Variants in THSD7B observed in about 807,000 individuals in gnomAD.
THSD7B encodes the protein thrombospondin type-1 domain-containing protein 7B.
A neutral mutation model predicts 213.6 loss-of-function variants in THSD7B; 138 were observed. The ratio of observed to expected loss-of-function variants is 0.65; its 90% CI spans 0.56 to 0.74. The LOEUF is 0.74. Among genes scored for constraint, THSD7B ranks in the 30% least tolerant of loss-of-function variants. The probability of loss-of-function intolerance (pLI) is 0.00; values close to 1 mark genes in which losing one functional copy is unlikely to be tolerated. For synonymous variants in THSD7B, 742 were observed against 687.0 expected (o/e 1.08, Z -1.25); for missense variants, 1,931 against 1,991.5 (o/e 0.97, Z 0.58).
chr2:137,588,278 T>A (rs1356724921), intron 17 of THSD7B, among the ~76,000 whole-genome samples: 1 of 152,186 alleles, frequency 6.6e-6, no homozygotes, highest in Non-Finnish European at 1.5e-5. Context: ...CCCCTTATGC[T>A]TCCCAGGTGA....
rs150553202 is a variant in THSD7B at position 137,522,398 on chromosome 2, C to T, written c.3139-40823C>T. ...AAATTAGAATGATAATCCAGAAATT[C>T]CACAGAGTTGTGACTGCCTTGCATG... is the stretch of plus-strand genomic sequence containing the variant. On this transcript the variant is annotated intron_variant, in intron 15 of 27. Coordinates refer to ENST00000409968, the MANE Select transcript of THSD7B (RefSeq NM_001316349.2). 1.0e-3 allele frequency among the ~76,000 whole-genome samples: 158 copies of T among 152,306 alleles called. 2 individuals carry two copies. The highest frequency in any genetic ancestry group is 3.4e-3 in the Middle Eastern group (1 of 294).
intron 15 of THSD7B, among the ~76,000 whole-genome samples, chr2:137,533,481 C>T (rs774313542): frequency 2.4e-4 from 36 of 151,888 alleles, no homozygotes; most frequent in Non-Finnish European, 4.3e-4. Context: ...ACTATTCTGA[C>T]ATTTAGCAAG....
chr2:136,856,569 A>G (rs1683183440), intron 1 of THSD7B, among the ~76,000 whole-genome samples: 1 of 150,688 alleles, frequency 6.6e-6, no homozygotes, highest in East Asian at 1.9e-4. Flanking sequence ...GCTGGAGTGT[A>G]ATCACGAGAT....
chr2:137,453,101 A>T, intron 15 of THSD7B, among the ~76,000 whole-genome samples: 1 of 151,912 alleles, frequency 6.6e-6, no homozygotes, highest in Non-Finnish European at 1.5e-5. Context: ...TTAGTTTGTT[A>T]TAAAGAGATT....
At chr2:137,189,485 C>A (rs969916693) in intron 7 of THSD7B, among the ~76,000 whole-genome samples, 2 of 152,012 alleles carry the variant, frequency 1.3e-5, no homozygotes, top group African/African-American at 4.8e-5. Context: ...GCCACAAGGT[C>A]AACGTCACCC....
At position 137,662,148 on chromosome 2, in the gene THSD7B, C is replaced by G. The variant is rs191926609; in HGVS notation, c.4459-1235C>G. ...CATGATCTTGGCTCACTGCAACCACCGCCTCCTGGGTTCACGCCATTCTCC... is the reference window on the plus strand; with the variant it reads ...CATGATCTTGGCTCACTGCAACCACGGCCTCCTGGGTTCACGCCATTCTCC... On this transcript the variant is annotated intron_variant, in intron 25 of 27. Coordinates refer to ENST00000409968, the MANE Select transcript of THSD7B (RefSeq NM_001316349.2). 1.8e-3 allele frequency among the ~76,000 whole-genome samples: 264 copies of G among 150,268 alleles called. 3 individuals carry two copies. The highest frequency in any genetic ancestry group is 2.9e-3 in the Non-Finnish European group (193 of 67,514).
At chr2:136,944,712 CTT>C (rs146788302) in intron 2 of THSD7B, among the ~76,000 whole-genome samples, 28,740 of 127,808 alleles carry the variant, frequency 0.22, 3,700 homozygotes, top group East Asian at 0.5. Flanking sequence ...GCAACCCCTG[CTT>C]TTTTTTTTTT....
At chr2:137,533,224 C>T (rs529395584) in intron 15 of THSD7B, among the ~76,000 whole-genome samples, 88 of 151,900 alleles carry the variant, frequency 5.8e-4, no homozygotes, top group African/African-American at 1.8e-3. Flanking sequence ...ATTTCTGACT[C>T]ATTCCTCTCG....
At chr2:136,942,646 CTGTT>C (rs1333877566) in intron 2 of THSD7B, among the ~76,000 whole-genome samples, 1 of 152,104 alleles carries the variant, frequency 6.6e-6, no homozygotes, top group Admixed American at 6.6e-5. Context: ...ATTTGGCTCT[CTGTT>C]TGTCTGTTAT....
intron 17 of THSD7B, among the ~76,000 whole-genome samples, chr2:137,589,960 A>G (rs1249494115): frequency 6.6e-6 from 1 of 152,240 alleles, no homozygotes; most frequent in Non-Finnish European, 1.5e-5. Flanking sequence ...TGAAGACCAC[A>G]TAAGCTGCCA....
chr2:136,847,122 A>C (rs1391872166), intron 1 of THSD7B, among the ~76,000 whole-genome samples: 1 of 152,190 alleles, frequency 6.6e-6, no homozygotes, highest in Non-Finnish European at 1.5e-5. Context: ...AGTAAATGGA[A>C]TTGCTTTGAT....
At chr2:137,365,816 T>G (rs1337731629) in intron 12 of THSD7B, among the ~76,000 whole-genome samples, 3 of 152,162 alleles carry the variant, frequency 2.0e-5, no homozygotes, top group South Asian at 4.1e-4. Context: ...GTTCAACCAT[T>G]GTGGAAGTCA....
chr2:137,408,913 T>C (rs1034242364), intron 13 of THSD7B, among the ~76,000 whole-genome samples: 1 of 152,202 alleles, frequency 6.6e-6, no homozygotes, highest in African/African-American at 2.4e-5. Context: ...GGAAGGTGGG[T>C]AGAAATTGTG....
chr2:136,893,590 C>G (rs1230006674), intron 2 of THSD7B, among the ~76,000 whole-genome samples: 1 of 152,090 alleles, frequency 6.6e-6, no homozygotes, highest in Non-Finnish European at 1.5e-5. Context: ...ACAAAGGAAC[C>G]TTAAAAGCTT....
At chr2:136,962,082 G>T (rs962864394) in intron 2 of THSD7B, among the ~76,000 whole-genome samples, 1 of 152,186 alleles carries the variant, frequency 6.6e-6, no homozygotes, top group African/African-American at 2.4e-5. Context: ...GAAGAGGGAG[G>T]CAGAACAAGA....
chr2:137,413,376 G>A (rs370858500), intron 14 of THSD7B, among the ~76,000 whole-genome samples: 23 of 152,286 alleles, frequency 1.5e-4, no homozygotes, highest in African/African-American at 4.8e-4. Flanking sequence ...TACAGTTAAG[G>A]AGAAGTCAGA....
rs115668599 is a variant in THSD7B at position 136,779,396 on chromosome 2, A to C, written c.-36+13709A>C. ...TTTGTTGGTGTGTGGCATTAGTGTAAATATTGTTATATTGTAGCTTAATTT... is the reference window on the plus strand; with the variant it reads ...TTTGTTGGTGTGTGGCATTAGTGTACATATTGTTATATTGTAGCTTAATTT... On this transcript the variant is annotated intron_variant, in intron 1 of 27. Coordinates refer to ENST00000409968, the MANE Select transcript of THSD7B (RefSeq NM_001316349.2). Among the ~76,000 whole-genome samples the C allele has an allele frequency of 9.9e-3, 1,513 of 152,186 alleles. 17 individuals are homozygous for C. Among genetic ancestry groups the C allele is most frequent in the Admixed American group, 0.034 (518 of 15,280 alleles).
intron 1 of THSD7B, among the ~76,000 whole-genome samples, chr2:136,870,782 A>G (rs1398190673): frequency 1.3e-5 from 2 of 152,210 alleles, no homozygotes; most frequent in African/African-American, 4.8e-5. Flanking sequence ...GAGAAGAGGT[A>G]AAGTTCAACT....
intron 7 of THSD7B, among the ~76,000 whole-genome samples, chr2:137,187,779 C>T (rs1172918845): frequency 6.6e-6 from 1 of 152,002 alleles, no homozygotes; most frequent in Non-Finnish European, 1.5e-5. Flanking sequence ...CATATTCAAC[C>T]CATATTTCCT....
Sources: allele counts gnomAD v4.1 joint callset (sites outside exome capture counted in the v4.1 genomes callset), GRCh38; gene constraint gnomAD v4.1.1; transcripts MANE v1.5; gene names NCBI Gene and HGNC (gene_info 2026-07-23, HGNC 2026-07-21).